The following ITGAV variants were observed in gnomAD, a reference collection of about 807,000 sequenced individuals.
ITGAV encodes integrin alpha-V.
Under a neutral mutation model 143.8 loss-of-function variants are expected in ITGAV, and 76 were observed. The ratio of observed to expected loss-of-function variants is 0.53; its 90% CI spans 0.44 to 0.64. ITGAV has a LOEUF of 0.64. Ranked by LOEUF, ITGAV falls within the 30% of genes least tolerant of loss-of-function variation. The probability of loss-of-function intolerance (pLI) is 0.00; values close to 1 mark genes in which losing one functional copy is unlikely to be tolerated. For missense variants in ITGAV, 1,193 were observed against 1,274.7 expected (o/e 0.94, Z 0.98); for synonymous variants, 453 against 446.7 (o/e 1.01, Z -0.18).
At chr2:186,633,203 G>T in intron 5 of ITGAV, 126 bp from the exon 6 acceptor site, 1 of 363,234 alleles carries the variant, frequency 2.8e-6, no homozygotes, top group Non-Finnish European at 4.9e-6. Context: ...ATGATATAAA[G>T]ATACAATACT....
intron 1 of ITGAV, chr2:186,600,244 T>G: frequency 1.7e-6 from 2 of 1,167,270 alleles, no homozygotes; most frequent in Non-Finnish European, 2.5e-6. Flanking sequence ...CTTGCCAGGG[T>G]CTTTCTACCT....
intron 1 of ITGAV, among the ~76,000 whole-genome samples, chr2:186,593,715 T>C (rs1195377174): frequency 1.3e-5 from 2 of 152,180 alleles, no homozygotes; most frequent in African/African-American, 4.8e-5. Context: ...GAAGCAGATA[T>C]ACTCATTCTT....
At chr2:186,623,366 T>A (rs905053834) in intron 3 of ITGAV, among the ~76,000 whole-genome samples, 1 of 152,162 alleles carries the variant, frequency 6.6e-6, no homozygotes, top group Non-Finnish European at 1.5e-5. Context: ...TTTTTAGAAC[T>A]AAATTTTTCT....
At chr2:186,600,504 A>T in intron 1 of ITGAV, 1 of 1,284,682 alleles carries the variant, frequency 7.8e-7, no homozygotes. Context: ...TTCCCCTCTC[A>T]TCCTTAGAGA....
At chr2:186,673,944 T>C (rs1006749118) in intron 26 of ITGAV, among the ~76,000 whole-genome samples, 1 of 152,108 alleles carries the variant, frequency 6.6e-6, no homozygotes, top group Non-Finnish European at 1.5e-5. Flanking sequence ...GTTCTAGAAT[T>C]ACAAATGTGA....
Position 186,667,146 on chromosome 2 carries a change from TCA to T in ITGAV, c.2247-3_2247-2del. The T allele has an allele frequency of 6.3e-7, 1 of 1,599,786 alleles. No individual in the cohort carries two copies. Among genetic ancestry groups the T allele is most frequent in the Non-Finnish European group, 8.5e-7 (1 of 1,174,262 alleles). Reference sequence around the variant, plus strand: ...ATTTTTAAGTTTTTTTTTTTCTTTTTCAGCTCAAATCTATTTGACAAAGTAAG... The same window carrying T: ...ATTTTTAAGTTTTTTTTTTTCTTTTTGCTCAAATCTATTTGACAAAGTAAG... On this transcript the variant is annotated splice_acceptor_variant and splice_polypyrimidine_tract_variant and intron_variant, in intron 22 of 29. Coordinates refer to ENST00000261023, the MANE Select transcript of ITGAV (RefSeq NM_002210.5). LOFTEE classifies it high-confidence loss of function.
At chr2:186,625,146 C>T (rs771250150) in intron 3 of ITGAV, among the ~76,000 whole-genome samples, 4 of 151,988 alleles carry the variant, frequency 2.6e-5, no homozygotes, top group Non-Finnish European at 5.9e-5. Flanking sequence ...GAGGCTGAGG[C>T]AGGAGGATTG....
At chr2:186,669,575 A>G in intron 25 of ITGAV, 126 bp from the exon 26 acceptor site, 2 of 668,132 alleles carry the variant, frequency 3.0e-6, no homozygotes, top group Non-Finnish European at 5.2e-6. Context: ...CTGAGTGGTA[A>G]ATATTCTGTC....
chr2:186,647,822 T>C (rs990017986), intron 13 of ITGAV, among the ~76,000 whole-genome samples: 1 of 152,222 alleles, frequency 6.6e-6, no homozygotes, highest in Admixed American at 6.5e-5. Context: ...ACCTTTGTGT[T>C]GAAACACTTA....
intron 15 of ITGAV, among the ~76,000 whole-genome samples, chr2:186,653,614 T>G (rs1688504312): frequency 6.6e-6 from 1 of 152,240 alleles, no homozygotes; most frequent in African/African-American, 2.4e-5. Flanking sequence ...TATTTGGTCT[T>G]CATTTTTATT....
chr2:186,638,673 G>GTGT (rs1553502387), intron 10 of ITGAV, among the ~76,000 whole-genome samples: 1 of 99,012 alleles, frequency 1.0e-5, no homozygotes, highest in Non-Finnish European at 2.3e-5. Flanking sequence ...TGTGTGTGTA[G>GTGT]TATATAAACA....
At position 186,641,458 on chromosome 2, in the gene ITGAV, G is replaced by A. The variant is rs201288822; in HGVS notation, c.1029G>A (p.Gly343=). 3.3e-5 allele frequency: 53 copies of A among 1,614,170 alleles called. No individual in the cohort carries two copies. The African/African-American group carries it at 6.5e-4, about 20-fold the overall frequency. ...CTGATGGCAAACTCCAAGAGGTGGG[G>A]CAGGTCTCAGTGTCTCTACAGAGAG... is the stretch of plus-strand genomic sequence containing the variant. ...RGSDGKLQEV[G]QVSVSLQRAS... Residue 343 remains glycine (G), a synonymous_variant, in exon 12 of 30, where the codon GGG becomes GGA. Coordinates refer to ENST00000261023, the MANE Select transcript of ITGAV (RefSeq NM_002210.5).
intron 21 of ITGAV, 106 bp downstream of exon 21, chr2:186,665,324 C>G: frequency 1.4e-6 from 1 of 719,126 alleles, no homozygotes; most frequent in South Asian, 1.7e-5. Context: ...AAACAATGTC[C>G]TTAAATTGGT....
intron 17 of ITGAV, among the ~76,000 whole-genome samples, chr2:186,656,621 C>T (rs1688594922): frequency 6.6e-6 from 1 of 151,854 alleles, no homozygotes; most frequent in Non-Finnish European, 1.5e-5. Flanking sequence ...TACTACTGAA[C>T]AAATTATGAT....
chr2:186,591,433 G>GT (rs1229072941), intron 1 of ITGAV, among the ~76,000 whole-genome samples: 1 of 152,002 alleles, frequency 6.6e-6, no homozygotes, highest in Non-Finnish European at 1.5e-5. Flanking sequence ...AATGTTGACT[G>GT]TTTTTTTAAT....
chr2:186,645,217 C>T (rs907654385), intron 12 of ITGAV, among the ~76,000 whole-genome samples: 2 of 151,854 alleles, frequency 1.3e-5, no homozygotes, highest in African/African-American at 4.8e-5. Context: ...AGTAGGGGGT[C>T]GAGAGGGGTG....
intron 16 of ITGAV, among the ~76,000 whole-genome samples, chr2:186,655,716 CTGTT>C (rs1414622855): frequency 6.6e-6 from 1 of 152,208 alleles, no homozygotes; most frequent in Non-Finnish European, 1.5e-5. Flanking sequence ...GCATTTAACT[CTGTT>C]TGATCACTTG....
At chr2:186,664,792 T>A (rs1232088107) in intron 20 of ITGAV, 151 bp downstream of exon 20, 4 of 967,968 alleles carry the variant, frequency 4.1e-6, no homozygotes, top group Non-Finnish European at 6.1e-6. Flanking sequence ...CATAATTCCT[T>A]TTAAGCCTAA....
chr2:186,659,040 T>G lies in ITGAV; in HGVS notation c.1722T>G (p.Asp574Glu). The change falls in exon 18 of 30, where the codon GAT becomes GAG. Residue 574 changes from aspartate to glutamate, a missense_variant and splice_region_variant. Asp to Glu is a conservative substitution (Grantham distance 45). Transcript: ENST00000261023. ...ATTCAAAGCGTTTCCATTTCTAGGA[T>G]GAATCTGAATTTAGAGACAAACTCA... ...QCEELIAYLRDESEFRDKLTP... is the reference protein window; with the variant it reads ...QCEELIAYLREESEFRDKLTP... The G allele has an allele frequency of 6.2e-7, 1 of 1,607,536 alleles. No individual in the cohort carries two copies. The highest frequency in any genetic ancestry group is 8.5e-7 in the Non-Finnish European group (1 of 1,176,086).
Sources: gnomAD v4.1 joint callset for allele counts (sites outside exome capture counted in the v4.1 genomes callset) on GRCh38, gnomAD v4.1.1 for gene constraint, MANE v1.5 for transcripts, NCBI Gene and HGNC (gene_info 2026-07-23, HGNC 2026-07-21) for gene names.